The following ZNF578 variants were observed in gnomAD, a reference collection of about 807,000 sequenced individuals.
ZNF578 encodes Putative chemokine-related protein B42.
Under a neutral mutation model 8.3 loss-of-function variants are expected in ZNF578, and 8 were observed. That is an observed-to-expected ratio of 0.96 (90% confidence interval 0.56 to 1.74). ZNF578 has a LOEUF of 1.74. Among genes scored for constraint, ZNF578 ranks in the 40% most tolerant of loss-of-function variants. ZNF578 has a pLI of 0.00. For missense variants in ZNF578, 726 were observed against 707.5 expected (o/e 1.03, Z -0.30); for synonymous variants, 206 against 232.2 (o/e 0.89, Z 1.03).
chr19:52,484,110 T>C (rs2059336546), intron 2 of ZNF578, among the ~76,000 whole-genome samples: 2 of 152,190 alleles, frequency 1.3e-5, no homozygotes, highest in South Asian at 4.1e-4. Flanking sequence ...GGAAAACTTG[T>C]GAACAAATGT....
At position 52,504,583 on chromosome 19, in the gene ZNF578, T is replaced by A. The variant is rs757922279; in HGVS notation, c.64-72T>A. On this transcript the variant is annotated intron_variant, in intron 4 of 5. Coordinates refer to ENST00000421239, the MANE Select transcript of ZNF578 (RefSeq NM_001099694.2). Reference sequence around the variant, plus strand: ...TGATCAAAGAAATACTTATTTTCTCTTTTCTCATTTCCTGTGAAGGTGATA... The same window carrying A: ...TGATCAAAGAAATACTTATTTTCTCATTTCTCATTTCCTGTGAAGGTGATA... 2.5e-6 allele frequency: 4 copies of A among 1,601,842 alleles called. No homozygotes were observed. The African/African-American group carries it at 5.4e-5, about 22-fold the overall frequency.
intron 2 of ZNF578, among the ~76,000 whole-genome samples, chr19:52,460,409 TG>T (rs1458499861): frequency 6.6e-6 from 1 of 152,136 alleles, no homozygotes; most frequent in Non-Finnish European, 1.5e-5. Context: ...TTGGTGGTGA[TG>T]AGCATCTTAT....
At position 52,511,046 on chromosome 19, in the gene ZNF578, A is replaced by C; in HGVS notation, c.665A>C (p.Gln222Pro). The change falls in exon 6 of 6, where the codon CAG becomes CCG. Residue 222 changes from glutamine to proline, a missense_variant. Physicochemically the swap from Gln to Pro is moderately conservative, Grantham distance 76 (BLOSUM62 -1). Coordinates refer to ENST00000421239, the MANE Select transcript of ZNF578 (RefSeq NM_001099694.2). The stretch of plus-strand genomic sequence containing the variant: ...CATTCATCATTACTCACACAAAAAC[A>C]GGAAGTACACATGAGAGAAAAATCT... ...FFHSSLLTQK[Q>P]EVHMREKSFQ... is the part of the protein sequence containing the mutation. 1 of 1,614,232 alleles carries C rather than the reference A, an allele frequency of 6.2e-7. No individual in the cohort carries two copies. Among genetic ancestry groups the C allele is most frequent in the Non-Finnish European group, 8.5e-7 (1 of 1,180,040 alleles).
chr19:52,493,398 G>C (rs1019273833), intron 3 of ZNF578, among the ~76,000 whole-genome samples: 8 of 152,150 alleles, frequency 5.3e-5, no homozygotes, highest in Non-Finnish European at 7.4e-5. Flanking sequence ...CAGGTCCCAG[G>C]GGCTTGTCCT....
At chr19:52,460,314 CTTT>C (rs35382657) in intron 2 of ZNF578, among the ~76,000 whole-genome samples, 1 of 145,934 alleles carries the variant, frequency 6.9e-6, no homozygotes, top group Admixed American at 6.8e-5. Flanking sequence ...CTCTCCAACA[CTTT>C]TTTTTTTTTT....
intron 2 of ZNF578, among the ~76,000 whole-genome samples, chr19:52,479,974 A>G (rs1437904797): frequency 1.3e-5 from 2 of 152,122 alleles, no homozygotes; most frequent in Admixed American, 1.3e-4. Flanking sequence ...CAGTGGCACA[A>G]TCTTGGCTCA....
chr19:52,506,946 C>T (rs1321085174), intron 5 of ZNF578, among the ~76,000 whole-genome samples: 1 of 152,142 alleles, frequency 6.6e-6, no homozygotes, highest in East Asian at 1.9e-4. Context: ...CTCATTTCAT[C>T]GTTCTGTTAG....
intron 2 of ZNF578, among the ~76,000 whole-genome samples, chr19:52,459,189 C>A (rs545339266): frequency 6.6e-6 from 1 of 152,176 alleles, no homozygotes; most frequent in Non-Finnish European, 1.5e-5. Flanking sequence ...CGTTACTGTG[C>A]AACATATCTA....
chr19:52,500,790 G>A (rs1302275042), intron 3 of ZNF578, among the ~76,000 whole-genome samples: 1 of 151,856 alleles, frequency 6.6e-6, no homozygotes, highest in Non-Finnish European at 1.5e-5. Flanking sequence ...TCCCTAAGCA[G>A]TTCCCAGCTT....
At chr19:52,498,891 C>G (rs74839640) in intron 3 of ZNF578, among the ~76,000 whole-genome samples, 25,626 of 151,906 alleles carry the variant, frequency 0.17, 2,628 homozygotes, top group Non-Finnish European at 0.23. Context: ...CTATGTTGCC[C>G]GTGTTGGTCT....
In ZNF578 at chr19:52,481,843, AC is replaced by A. The variant is rs1390785089; in HGVS notation, c.-121-9480del. ...CCTGCTAGGCTCAAGCAATCCTCCTACTTCAGCCTCCCGAGTAGCTGGGACC... is the reference window on the plus strand; with the variant it reads ...CCTGCTAGGCTCAAGCAATCCTCCTATTCAGCCTCCCGAGTAGCTGGGACC... On this transcript the variant is annotated intron_variant, in intron 2 of 5. Coordinates refer to ENST00000421239, the MANE Select transcript of ZNF578 (RefSeq NM_001099694.2). 8.6e-5 allele frequency among the ~76,000 whole-genome samples: 13 copies of A among 151,614 alleles called. No individual in the cohort carries two copies. In the East Asian group the frequency reaches 2.3e-3, roughly 27 times the overall value.
intron 2 of ZNF578, among the ~76,000 whole-genome samples, chr19:52,472,523 T>C (rs928215691): frequency 7.9e-5 from 12 of 152,230 alleles, no homozygotes; most frequent in Non-Finnish European, 1.2e-4. Context: ...CAACAGCTAT[T>C]GCTATTCAGT....
At chr19:52,499,692 T>G (rs1258802126) in intron 3 of ZNF578, among the ~76,000 whole-genome samples, 1 of 151,400 alleles carries the variant, frequency 6.6e-6, no homozygotes, top group Non-Finnish European at 1.5e-5. Flanking sequence ...CCAAATCGTT[T>G]TTTTTTTTTT....
At chr19:52,484,324 G>C (rs141013423) in intron 2 of ZNF578, among the ~76,000 whole-genome samples, 1,685 of 152,340 alleles carry the variant, frequency 0.011, 31 homozygotes, top group African/African-American at 0.038. Flanking sequence ...GTGGGAGACA[G>C]ATGCCTTCCT....
At chr19:52,504,564 A>G (rs1440322038) in intron 4 of ZNF578, 91 bp from the exon 5 acceptor site, 3 of 1,594,826 alleles carry the variant, frequency 1.9e-6, no homozygotes, top group Non-Finnish European at 2.6e-6. Context: ...TCTTTGATCA[A>G]AGAAATACTT....
rs372142681 is a variant in ZNF578, at chr19:52,502,584, A to G, written c.63+676A>G. The stretch of plus-strand genomic sequence containing the variant: ...AAACCCCATCTCTACTAAAAATACA[A>G]AAATTAGCTGTGTGTGGCGGTGCAT... On this transcript the variant is annotated intron_variant, in intron 4 of 5. Transcript: ENST00000421239. Among the ~76,000 whole-genome samples, 117 of 152,274 alleles carry G rather than the reference A, an allele frequency of 7.7e-4. 2 individuals carry two copies. The highest frequency in any genetic ancestry group is 2.7e-3 in the African/African-American group (114 of 41,556).
intron 2 of ZNF578, among the ~76,000 whole-genome samples, chr19:52,485,033 G>A (rs1430980531): frequency 1.3e-5 from 2 of 151,466 alleles, no homozygotes; most frequent in South Asian, 2.1e-4. Flanking sequence ...CAGGCGGGCT[G>A]AGTCCAAAAA....
At chr19:52,458,856 T>G (rs1397161218) in intron 2 of ZNF578, 1 of 152,202 alleles carries the variant, frequency 6.6e-6, no homozygotes, top group African/African-American at 2.4e-5. Context: ...TGTGTTTAAT[T>G]TGAATTTTTG....
At chr19:52,498,684 C>CTTTTTTTTTT (rs72019256) in intron 3 of ZNF578, among the ~76,000 whole-genome samples, 7,733 of 106,408 alleles carry the variant, frequency 0.073, 959 homozygotes, top group African/African-American at 0.097. Context: ...CGCCTGGCCG[C>CTTTTTTTTTT]TTTTTTTTTT....
Sources: allele counts gnomAD v4.1 joint callset (sites outside exome capture counted in the v4.1 genomes callset), GRCh38; gene constraint gnomAD v4.1.1; transcripts MANE v1.5; gene names NCBI Gene and HGNC (gene_info 2026-07-23, HGNC 2026-07-21).